EXOC6B: variants seen among roughly 807,000 people sequenced by gnomAD.
EXOC6B encodes the protein exocyst complex component 6B.
A neutral mutation model predicts 113.5 loss-of-function variants in EXOC6B; 54 were observed. That is an observed-to-expected ratio of 0.48 (90% confidence interval 0.38 to 0.60). EXOC6B has a LOEUF of 0.60. Among genes scored for constraint, EXOC6B ranks in the 20% least tolerant of loss-of-function variants. The pLI is 0.00. For missense variants in EXOC6B, 797 were observed against 977.5 expected (o/e 0.82, Z 2.46); for synonymous variants, 357 against 339.0 (o/e 1.05, Z -0.58).
rs929198004 is a variant in EXOC6B, at chr2:72,825,958, C to T, written c.-48G>A. On this transcript the variant is annotated 5_prime_UTR_variant, in exon 1 of 22. Coordinates refer to ENST00000272427, the MANE Select transcript of EXOC6B (RefSeq NM_015189.3). The surrounding 1 kb of genome is among the most constrained non-coding windows in gnomAD (Gnocchi z 4.4). Reference sequence around the variant, plus strand: ...CGTCCCCTCCGTCGGCTCGGCTCACCTTTTCCCTGCCCCACAATGCCGCTC... The same window carrying T: ...CGTCCCCTCCGTCGGCTCGGCTCACTTTTTCCCTGCCCCACAATGCCGCTC... 39 of 1,599,402 alleles carry T rather than the reference C, an allele frequency of 2.4e-5. No individual in the cohort carries two copies. Among genetic ancestry groups the T allele is most frequent in the Non-Finnish European group, 3.2e-5 (38 of 1,175,976 alleles).
At chr2:72,261,695 T>C (rs1683726678) in intron 20 of EXOC6B, among the ~76,000 whole-genome samples, 1 of 152,166 alleles carries the variant, frequency 6.6e-6, no homozygotes, top group South Asian at 2.1e-4. Flanking sequence ...AAAGTAAGTA[T>C]ATACATATAG....
At chr2:72,466,093 C>T (rs1392408187) in intron 17 of EXOC6B, among the ~76,000 whole-genome samples, 1 of 151,920 alleles carries the variant, frequency 6.6e-6, no homozygotes, top group South Asian at 2.1e-4. Context: ...GCGTGTAATC[C>T]CAGAACTTTG....
At chr2:72,226,153 G>T (rs1036242305) in intron 20 of EXOC6B, among the ~76,000 whole-genome samples, 3 of 152,124 alleles carry the variant, frequency 2.0e-5, no homozygotes, top group Admixed American at 6.6e-5. Context: ...TCAAATAGAA[G>T]ACAGAGAGAC....
intron 8 of EXOC6B, among the ~76,000 whole-genome samples, chr2:72,555,573 C>T (rs960718803): frequency 1.3e-5 from 2 of 152,172 alleles, no homozygotes; most frequent in African/African-American, 4.8e-5. Flanking sequence ...AGTGTCTGTT[C>T]ATATCCTTTG....
At chr2:72,804,807 A>C (rs916832976) in intron 1 of EXOC6B, among the ~76,000 whole-genome samples, 1 of 152,040 alleles carries the variant, frequency 6.6e-6, no homozygotes, top group Non-Finnish European at 1.5e-5. Context: ...CATGTTGGCC[A>C]GGCTGGTCTC....
At chr2:72,223,276 A>G (rs565844085) in intron 20 of EXOC6B, among the ~76,000 whole-genome samples, 1 of 152,368 alleles carries the variant, frequency 6.6e-6, no homozygotes, top group South Asian at 2.1e-4. Context: ...AGCTTGTTTT[A>G]AATCGGACCA....
At chr2:72,697,935 C>G (rs1421879982) in intron 6 of EXOC6B, among the ~76,000 whole-genome samples, 2 of 152,038 alleles carry the variant, frequency 1.3e-5, no homozygotes, top group Non-Finnish European at 2.9e-5. Context: ...AACTTAAAAC[C>G]CTCAGGGACC....
At chr2:72,508,303 T>C (rs1160490561) in intron 11 of EXOC6B, among the ~76,000 whole-genome samples, 4 of 151,950 alleles carry the variant, frequency 2.6e-5, no homozygotes, top group Non-Finnish European at 5.9e-5. Context: ...GAGCCTGAAA[T>C]GTGTCAATTA....
intron 20 of EXOC6B, among the ~76,000 whole-genome samples, chr2:72,268,954 T>C (rs1003672): frequency 0.38 from 57,099 of 152,004 alleles, 13,722 homozygotes; most frequent in African/African-American, 0.68. Context: ...CAGCCTCAGG[T>C]ATTTCTTTAT....
chr2:72,364,857 G>A (rs1690524804), intron 19 of EXOC6B, among the ~76,000 whole-genome samples: 1 of 152,096 alleles, frequency 6.6e-6, no homozygotes, highest in Non-Finnish European at 1.5e-5. Flanking sequence ...CAGTGGTATT[G>A]GTTGATTGCC....
intron 19 of EXOC6B, among the ~76,000 whole-genome samples, chr2:72,370,437 T>C (rs898322188): frequency 6.6e-6 from 1 of 152,152 alleles, no homozygotes; most frequent in Non-Finnish European, 1.5e-5. Context: ...GTTCAACCAT[T>C]GTGGAAGACA....
chr2:72,397,044 CAAT>C (rs1465923070), intron 18 of EXOC6B, among the ~76,000 whole-genome samples: 2 of 151,556 alleles, frequency 1.3e-5, no homozygotes, highest in South Asian at 4.2e-4. Flanking sequence ...CCTTATACCC[CAAT>C]AATAATAATC....
chr2:72,297,839 G>T (rs569601415), intron 20 of EXOC6B, among the ~76,000 whole-genome samples: 47 of 152,272 alleles, frequency 3.1e-4, no homozygotes, highest in Non-Finnish European at 5.3e-4. Context: ...TAATTTGATT[G>T]CACTGTGGTC....
chr2:72,718,160 G>A lies in EXOC6B; in HGVS notation c.612C>T (p.Asp204=), dbSNP rs1679753603. The A allele has an allele frequency of 6.2e-7, 1 of 1,613,770 alleles. No homozygotes were observed. The highest frequency in any genetic ancestry group is 8.5e-7 in the Non-Finnish European group (1 of 1,179,770). ...AATGTTTGCGGATGCTCTCCAGAAA[G>A]TCTTTGAGATCGGACATAGAAACAT... ...IKDVSMSDLK[D]FLESIRKHSD... The change falls in exon 6 of 22, where the codon GAC becomes GAT. Residue 204 remains aspartate (D), a synonymous_variant. Coordinates refer to ENST00000272427, the MANE Select transcript of EXOC6B (RefSeq NM_015189.3).
At chr2:72,393,119 A>G (rs954077999) in intron 18 of EXOC6B, among the ~76,000 whole-genome samples, 1 of 151,308 alleles carries the variant, frequency 6.6e-6, no homozygotes, top group African/African-American at 2.4e-5. Flanking sequence ...TTTTTGAGAC[A>G]AAGTCTCACT....
intron 11 of EXOC6B, among the ~76,000 whole-genome samples, chr2:72,508,592 C>A (rs1337453758): frequency 6.6e-6 from 1 of 151,796 alleles, no homozygotes; most frequent in Non-Finnish European, 1.5e-5. Context: ...GCCAACATGG[C>A]GAAATCCCAT....
intron 20 of EXOC6B, among the ~76,000 whole-genome samples, chr2:72,281,854 A>G (rs1419946613): frequency 3.3e-5 from 5 of 152,216 alleles, no homozygotes; most frequent in African/African-American, 1.2e-4. Context: ...ACACAGTGAG[A>G]CCACATCTCT....
At chr2:72,704,653 A>G (rs1305445433) in intron 6 of EXOC6B, among the ~76,000 whole-genome samples, 1 of 152,118 alleles carries the variant, frequency 6.6e-6, no homozygotes, top group African/African-American at 2.4e-5. Flanking sequence ...GATATCACCA[A>G]CGATCCCACA....
At chr2:72,205,340 A>C (rs1679770955) in intron 20 of EXOC6B, among the ~76,000 whole-genome samples, 1 of 151,058 alleles carries the variant, frequency 6.6e-6, no homozygotes, top group Non-Finnish European at 1.5e-5. Flanking sequence ...TATTTCTATG[A>C]TTCACTATTT....
Sources: allele counts gnomAD v4.1 joint callset (sites outside exome capture counted in the v4.1 genomes callset), GRCh38; gene constraint gnomAD v4.1.1; non-coding constraint Gnocchi (gnomAD v3.1); transcripts MANE v1.5; gene names NCBI Gene and HGNC (gene_info 2026-07-23, HGNC 2026-07-21).